Variants in MIS18BP1 observed in about 807,000 individuals in gnomAD.
The protein encoded by MIS18BP1 is mis18-binding protein 1.
Under a neutral mutation model 116.1 loss-of-function variants are expected in MIS18BP1, and 72 were observed. The ratio of observed to expected loss-of-function variants is 0.62; its 90% CI spans 0.51 to 0.75. The LOEUF (loss-of-function observed/expected upper bound fraction) is 0.75, where lower values mean the gene tolerates loss of function less well. Among genes scored for constraint, MIS18BP1 ranks in the 30% least tolerant of loss-of-function variants. The pLI is 0.00. For missense variants in MIS18BP1, 1,363 were observed against 1,303.2 expected, an observed-to-expected ratio of 1.05 and a Z score of -0.71; for synonymous variants, 386 against 427.0, an observed-to-expected ratio of 0.90 and a Z score of 1.18.
intron 1 of MIS18BP1, chr14:45,250,238 G>A (rs959438112): frequency 1.3e-4 from 20 of 152,122 alleles, no homozygotes; most frequent in African/African-American, 4.3e-4. Context: ...GTTGCTCTAG[G>A]AGACCTTTTT....
intron 13 of MIS18BP1, 34 bp from the exon 14 acceptor site, chr14:45,210,562 C>G (rs1246366540): frequency 1.2e-6 from 2 of 1,608,812 alleles, no homozygotes; most frequent in Non-Finnish European, 1.7e-6. Flanking sequence ...AGCAGGCACC[C>G]CATAAAAGGT....
intron 8 of MIS18BP1, among the ~76,000 whole-genome samples, chr14:45,229,268 G>A (rs1327290686): frequency 6.6e-6 from 1 of 152,064 alleles, no homozygotes; most frequent in African/African-American, 2.4e-5. Flanking sequence ...CACTTTGGGA[G>A]GCCAAGGTGG....
intron 13 of MIS18BP1, among the ~76,000 whole-genome samples, chr14:45,214,027 G>T (rs529170609): frequency 3.9e-4 from 60 of 152,238 alleles, no homozygotes; most frequent in African/African-American, 1.4e-3. Flanking sequence ...AAGGCCACAG[G>T]GACCTCTGCC....
chr14:45,250,813 G>A (rs535449983), intron 1 of MIS18BP1, among the ~76,000 whole-genome samples: 1 of 152,122 alleles, frequency 6.6e-6, no homozygotes, highest in East Asian at 1.9e-4. Context: ...GAATGACGGC[G>A]AATCACGAGG....
In MIS18BP1 at chr14:45,203,627, C is replaced by T. The variant is rs933186345; in HGVS notation, c.*482G>A. ...TAATTTCAACAATGTGTAATTTAAA[C>T]ATTAGGTTTGGATAACAACTGGTAA... is the stretch of plus-strand genomic sequence containing the variant. On this transcript the variant is annotated 3_prime_UTR_variant, in exon 17 of 17. Coordinates refer to ENST00000310806, the MANE Select transcript of MIS18BP1 (RefSeq NM_018353.5). 2.6e-5 allele frequency: 4 copies of T among 152,244 alleles called. No individual in the cohort carries two copies. The highest frequency in any genetic ancestry group is 9.7e-5 in the African/African-American group (4 of 41,432). The allele number at this position is 152,244 out of a possible 1,614,324, so 9.4% of individuals were successfully genotyped here. A position where few individuals can be genotyped will look rare whatever the true frequency, so the allele number is the denominator to read the frequency against.
chr14:45,251,271 T>C (rs1891866775), intron 1 of MIS18BP1, among the ~76,000 whole-genome samples: 2 of 152,262 alleles, frequency 1.3e-5, no homozygotes, highest in East Asian at 1.9e-4. Context: ...CTGTACAGGT[T>C]TGAAGCCCAG....
intron 13 of MIS18BP1, among the ~76,000 whole-genome samples, chr14:45,214,226 C>T (rs1463651556): frequency 1.3e-5 from 2 of 152,162 alleles, no homozygotes; most frequent in Non-Finnish European, 2.9e-5. Context: ...CCTGCTCGTC[C>T]CTGGGCAATA....
At chr14:45,235,350 G>A (rs1891394883) in intron 6 of MIS18BP1, among the ~76,000 whole-genome samples, 1 of 152,088 alleles carries the variant, frequency 6.6e-6, no homozygotes, top group Non-Finnish European at 1.5e-5. Context: ...GCTACCTGCA[G>A]TTGCTATTGC....
rs769283463 is a variant in MIS18BP1, at chr14:45,242,401, G to T, written c.776C>A (p.Ala259Glu). ...QIFHSKESIV[A>E]TTKSKKDTFV... Reference sequence around the variant, plus strand: ...CGTGTCCTTTTTGGATTTAGTGGTTGCAACTATACTCTCCTTTGAGTGAAA... The same window carrying T: ...CGTGTCCTTTTTGGATTTAGTGGTTTCAACTATACTCTCCTTTGAGTGAAA... The change falls in exon 4 of 17, where the codon GCA (alanine) becomes GAA (glutamate). Residue 259 changes from alanine to glutamate, a missense_variant. Physicochemically the swap from Ala to Glu is moderately radical, Grantham distance 107 (BLOSUM62 -1). Transcript: ENST00000310806. 1.2e-6 allele frequency: 2 copies of T among 1,614,010 alleles called. No individual in the cohort carries two copies. The highest frequency in any genetic ancestry group is 1.7e-6 in the Non-Finnish European group (2 of 1,179,958).
In MIS18BP1 at chr14:45,231,191, T is replaced by A. The variant is rs754431467; in HGVS notation, c.1544A>T (p.Asp515Val). 2 of 1,614,024 alleles carry A rather than the reference T, an allele frequency of 1.2e-6. No individual in the cohort carries two copies. The highest frequency in any genetic ancestry group is 2.2e-5 in the South Asian group (2 of 91,048). The change falls in exon 8 of 17, where the codon GAT (aspartate) becomes GTT (valine). Residue 515 changes from aspartate (D) to valine (V), a missense_variant. Transcript: ENST00000310806. ...AGTGGTGGTGGCTCTTTGAGCAGTA[T>A]CTGTTTGGTTTTCTCGTGCATCATT... is the stretch of plus-strand genomic sequence containing the variant. The part of the protein sequence containing the change: ...MKNDARENQT[D>V]TAQRATTTYD...
At chr14:45,234,180 A>G (rs1891363010) in intron 6 of MIS18BP1, among the ~76,000 whole-genome samples, 1 of 152,094 alleles carries the variant, frequency 6.6e-6, no homozygotes, top group Non-Finnish European at 1.5e-5. Flanking sequence ...GGTGACTTTG[A>G]TACAGGTTGT....
chr14:45,216,929 T>A, intron 13 of MIS18BP1, 90 bp downstream of exon 13: 1 of 1,397,532 alleles, frequency 7.2e-7, no homozygotes. Context: ...ATCCTTGGCC[T>A]AAATATTAGT....
At chr14:45,212,537 T>C (rs1361847040) in intron 13 of MIS18BP1, among the ~76,000 whole-genome samples, 3 of 152,118 alleles carry the variant, frequency 2.0e-5, no homozygotes, top group Non-Finnish European at 4.4e-5. Flanking sequence ...TAATACTTAA[T>C]CGCAGCCAGC....
At chr14:45,233,075 C>T (rs1235157869) in intron 6 of MIS18BP1, among the ~76,000 whole-genome samples, 2 of 151,968 alleles carry the variant, frequency 1.3e-5, no homozygotes, top group South Asian at 2.1e-4. Context: ...TATGCAGGGA[C>T]GGTGGACAGG....
chr14:45,228,669 T>C (rs190214878), intron 8 of MIS18BP1, among the ~76,000 whole-genome samples: 4 of 152,312 alleles, frequency 2.6e-5, no homozygotes, highest in Non-Finnish European at 5.9e-5. Flanking sequence ...TTTTGTTATT[T>C]TTCTAGAAGC....
In MIS18BP1 at chr14:45,236,177, T is replaced by C. The variant is rs1488182933; in HGVS notation, c.1218-233A>G. ...ACCATGTCCCTCCTACAAAATATTA[T>C]TAGTAAGGGAGCAGAGGCCTTGTCT... is the stretch of plus-strand genomic sequence containing the variant. On this transcript the variant is annotated intron_variant, in intron 5 of 16. Coordinates refer to ENST00000310806, the MANE Select transcript of MIS18BP1 (RefSeq NM_018353.5). Among the ~76,000 whole-genome samples, 3 of 152,138 alleles carry C rather than the reference T, an allele frequency of 2.0e-5. No homozygotes were observed. The South Asian group carries it at 6.2e-4, about 31-fold the overall frequency.
At chr14:45,208,822 G>C (rs1301350661) in intron 14 of MIS18BP1, among the ~76,000 whole-genome samples, 1 of 152,134 alleles carries the variant, frequency 6.6e-6, no homozygotes, top group East Asian at 1.9e-4. Flanking sequence ...CTTCCTGAGA[G>C]TACTGAATAG....
intron 1 of MIS18BP1, among the ~76,000 whole-genome samples, chr14:45,251,745 G>A (rs547829971): frequency 6.6e-6 from 1 of 152,272 alleles, no homozygotes; most frequent in Non-Finnish European, 1.5e-5. Flanking sequence ...GACATGAAAG[G>A]TGATTAATAG....
rs1891590087 is a variant in MIS18BP1 at position 45,242,046 on chromosome 14, A to G, written c.1131T>C (p.Leu377=). 6.3e-7 allele frequency: 1 copy of G among 1,593,702 alleles called. No individual in the cohort carries two copies. Among genetic ancestry groups the G allele is most frequent in the South Asian group, 1.1e-5 (1 of 87,222 alleles). ...AAAGTTTTCCCACCTGATTTTTTTT[A>G]AGTCCATTTGTAACAGTTTGAAATA... ...PRIFQTVTNG[L]KKNQVVQLQE... is the part of the protein sequence containing the mutation. The change falls in exon 4 of 17, where the codon CTT becomes CTC. Residue 377 remains leucine (L), a synonymous_variant. Coordinates refer to ENST00000310806, the MANE Select transcript of MIS18BP1 (RefSeq NM_018353.5).
Sources: gnomAD v4.1 joint callset for allele counts (sites outside exome capture counted in the v4.1 genomes callset) on GRCh38, gnomAD v4.1.1 for gene constraint, MANE v1.5 for transcripts, NCBI Gene and HGNC (gene_info 2026-07-23, HGNC 2026-07-21) for gene names.